Variants in KDM2B observed in about 807,000 individuals in gnomAD.
The protein encoded by KDM2B is lysine-specific demethylase 2B.
Under a neutral mutation model 150.0 loss-of-function variants are expected in KDM2B, and 26 were observed. That is an observed-to-expected ratio of 0.17 (90% CI 0.13 to 0.24). KDM2B has a LOEUF of 0.24. KDM2B is among the 10% of genes least tolerant of loss of function. The probability of loss-of-function intolerance (pLI) is 1.00; values close to 1 mark genes in which losing one functional copy is unlikely to be tolerated. For missense variants in KDM2B, 1,265 were observed against 1,816.9 expected, an observed-to-expected ratio of 0.70 and a Z score of 5.52; for synonymous variants, 734 against 729.5, an observed-to-expected ratio of 1.01 and a Z score of -0.10.
chr12:121,416,859 G>C, the KDM2B span, among the ~76,000 whole-genome samples: 1 of 152,108 alleles, frequency 6.6e-6, no homozygotes, highest in Admixed American at 6.5e-5. Flanking sequence ...CCATCATATT[G>C]GTAGGCCTCC....
At chr12:121,431,828 G>A (rs980444470) in intron 22 of KDM2B, among the ~76,000 whole-genome samples, 3 of 151,878 alleles carry the variant, frequency 2.0e-5, no homozygotes, top group Non-Finnish European at 4.4e-5. Context: ...ATGGGAAAAC[G>A]AGAGATGCTT....
At chr12:121,443,915 C>T in intron 16 of KDM2B, 97 bp downstream of exon 16, 1 of 1,483,520 alleles carries the variant, frequency 6.7e-7, no homozygotes, top group East Asian at 2.3e-5. Context: ...TTATCCCAAG[C>T]TCTACCTGCT....
At chr12:121,522,567 G>A (rs1174504339) in intron 8 of KDM2B, among the ~76,000 whole-genome samples, 1 of 151,298 alleles carries the variant, frequency 6.6e-6, no homozygotes, top group Non-Finnish European at 1.5e-5. Context: ...ACAGATGAGG[G>A]CCAGGCACGG....
intron 12 of KDM2B, among the ~76,000 whole-genome samples, chr12:121,482,033 G>A (rs1181448031): frequency 2.6e-5 from 4 of 152,062 alleles, no homozygotes; most frequent in Middle Eastern, 3.4e-3. Flanking sequence ...CACCCGCCTC[G>A]GCCTCCCAAA....
chr12:121,452,322 A>C lies in KDM2B; in HGVS notation c.1959+798T>G, dbSNP rs1379868171. On this transcript the variant is annotated intron_variant, in intron 13 of 22. Coordinates refer to ENST00000377071, the MANE Select transcript of KDM2B (RefSeq NM_032590.5). The surrounding 1 kb of genome is among the most constrained non-coding windows in gnomAD (Gnocchi z 4.4). ...AATTTCAAAAAACAAAACACAAGAAATATGCGTGGAAGGAGATGGCTGAGG... is the reference window on the plus strand; with the variant it reads ...AATTTCAAAAAACAAAACACAAGAACTATGCGTGGAAGGAGATGGCTGAGG... Among the ~76,000 whole-genome samples the C allele has an allele frequency of 2.0e-5, 3 of 152,266 alleles. No homozygotes were observed. Among genetic ancestry groups the C allele is most frequent in the African/African-American group, 7.2e-5 (3 of 41,470 alleles).
At chr12:121,503,908 A>G (rs1555302524) in intron 11 of KDM2B, among the ~76,000 whole-genome samples, 1 of 152,204 alleles carries the variant, frequency 6.6e-6, no homozygotes, top group Non-Finnish European at 1.5e-5. Context: ...GCACATCCTC[A>G]TTTTCCATAC....
intron 3 of KDM2B, 92 bp from the exon 4 acceptor site, chr12:121,574,685 G>C (rs1307660133): frequency 1.7e-6 from 2 of 1,164,906 alleles, no homozygotes; most frequent in Non-Finnish European, 2.5e-6. Context: ...TTTTCCAAGA[G>C]AGATCCTTTC....
chr12:121,573,571 G>A (rs1450383034), intron 4 of KDM2B, among the ~76,000 whole-genome samples: 6 of 149,714 alleles, frequency 4.0e-5, no homozygotes, highest in South Asian at 2.1e-4. Context: ...CACCACCCTC[G>A]GCCTACTGTT....
rs1229482082 is a variant in KDM2B, at chr12:121,495,799, T to C, written c.1648-1134A>G. Among the ~76,000 whole-genome samples, 40 of 152,168 alleles carry C rather than the reference T, an allele frequency of 2.6e-4. 1 individual carries two copies. The highest frequency in any genetic ancestry group is 2.6e-3 in the Admixed American group (40 of 15,270). On this transcript the variant is annotated intron_variant, in intron 11 of 22. Coordinates refer to ENST00000377071, the MANE Select transcript of KDM2B (RefSeq NM_032590.5). ...CTGTGTGACGACGTGTAAATGTTTTTTGCAACATGGGCCCTAAATACAAGA... is the reference window on the plus strand; with the variant it reads ...CTGTGTGACGACGTGTAAATGTTTTCTGCAACATGGGCCCTAAATACAAGA...
At chr12:121,440,403 G>A (rs906447458) in intron 21 of KDM2B, 2 of 429,414 alleles carry the variant, frequency 4.7e-6, no homozygotes, top group Non-Finnish European at 8.6e-6. Flanking sequence ...AGGCAGTCCA[G>A]CCCAGTCCAG....
intron 4 of KDM2B, among the ~76,000 whole-genome samples, chr12:121,552,577 G>A (rs1889583632): frequency 6.6e-6 from 1 of 151,512 alleles, no homozygotes; most frequent in African/African-American, 2.4e-5. Flanking sequence ...GGAGGCTGAG[G>A]TAGGAGAATT....
chr12:121,420,621 C>T, the KDM2B span: 1 of 1,614,026 alleles, frequency 6.2e-7, no homozygotes, highest in Non-Finnish European at 8.5e-7. Flanking sequence ...CACTGTCTGA[C>T]TTGTCAAGCC....
chr12:121,482,119 A>T (rs782430975), intron 12 of KDM2B, among the ~76,000 whole-genome samples: 49 of 152,132 alleles, frequency 3.2e-4, no homozygotes, highest in Middle Eastern at 3.4e-3. Flanking sequence ...TGAGCAGGTT[A>T]TCACACCAAA....
chr12:121,475,672 T>C (rs1209333139), intron 12 of KDM2B, among the ~76,000 whole-genome samples: 6 of 150,970 alleles, frequency 4.0e-5, no homozygotes, highest in East Asian at 2.0e-4. Context: ...GGCAGGAGGA[T>C]TGCTTGAGCC....
chr12:121,523,553 G>A (rs899051479), intron 8 of KDM2B, among the ~76,000 whole-genome samples: 4 of 152,360 alleles, frequency 2.6e-5, no homozygotes, highest in African/African-American at 9.6e-5. Flanking sequence ...AAACACGCCA[G>A]CCCTGAGTCA....
At chr12:121,500,381 T>C (rs1266521170) in intron 11 of KDM2B, among the ~76,000 whole-genome samples, 2 of 152,186 alleles carry the variant, frequency 1.3e-5, no homozygotes, top group Non-Finnish European at 2.9e-5. Context: ...TGGGACCCTT[T>C]CTGCGGGAAA....
At chr12:121,512,329 A>AAACACT (rs1885662394) in intron 10 of KDM2B, among the ~76,000 whole-genome samples, 1 of 152,066 alleles carries the variant, frequency 6.6e-6, no homozygotes, top group South Asian at 2.1e-4. Context: ...GCCCCAGCAG[A>AAACACT]AACACTGGTT....
intron 4 of KDM2B, among the ~76,000 whole-genome samples, chr12:121,563,439 T>C (rs574724996): frequency 6.6e-6 from 1 of 151,338 alleles, no homozygotes; most frequent in East Asian, 1.9e-4. Flanking sequence ...AAACCCCATC[T>C]CCACTAAAAA....
At chr12:121,563,745 T>G (rs1890506725) in intron 4 of KDM2B, among the ~76,000 whole-genome samples, 1 of 151,374 alleles carries the variant, frequency 6.6e-6, no homozygotes, top group African/African-American at 2.4e-5. Context: ...GTGGTGAAAC[T>G]CCGTCTCTAC....
Sources: gnomAD v4.1 joint callset for allele counts (sites outside exome capture counted in the v4.1 genomes callset) on GRCh38, gnomAD v4.1.1 for gene constraint, Gnocchi (gnomAD v3.1) non-coding constraint, MANE v1.5 for transcripts, NCBI Gene and HGNC (gene_info 2026-07-23, HGNC 2026-07-21) for gene names.